Variants in TRIP11 observed in about 807,000 individuals in gnomAD.
TRIP11 encodes the protein thyroid receptor-interacting protein 11.
TRIP11 carries 148 observed loss-of-function variants against 223.1 expected under a neutral mutation model. The observed-to-expected ratio is 0.66, with a 90% CI of 0.58 to 0.76. The LOEUF (loss-of-function observed/expected upper bound fraction) is 0.76, where lower values mean the gene tolerates loss of function less well. Ranked by LOEUF, TRIP11 falls within the 30% of genes least tolerant of loss-of-function variation. The pLI, the probability that TRIP11 is intolerant of heterozygous loss-of-function variation, is 0.00. For missense variants in TRIP11, 2,043 were observed against 2,222.0 expected (o/e 0.92, Z 1.62); for synonymous variants, 762 against 772.6 (o/e 0.99, Z 0.23).
rs191481844 is a variant in TRIP11 at position 91,986,712 on chromosome 14, T to C, written c.5260+1572A>G. On this transcript the variant is annotated intron_variant, in intron 16 of 20. Transcript: ENST00000267622. Reference sequence around the variant, plus strand: ...CACTGCTGTTTCACCTCCATTAGTCTAGCCCAACCCGAAGATTATCAATTC... The same window carrying C: ...CACTGCTGTTTCACCTCCATTAGTCCAGCCCAACCCGAAGATTATCAATTC... 9.8e-5 allele frequency among the ~76,000 whole-genome samples: 15 copies of C among 152,356 alleles called. 1 individual carries two copies. The East Asian group carries it at 2.7e-3, about 27-fold the overall frequency.
chr14:92,013,276 A>G (rs976066953), intron 7 of TRIP11, among the ~76,000 whole-genome samples: 15 of 152,192 alleles, frequency 9.9e-5, no homozygotes, highest in Admixed American at 2.0e-4. Flanking sequence ...CAAAAAAACA[A>G]ACAAAAAAAA....
At position 91,995,539 on chromosome 14, in the gene TRIP11, C is replaced by A. The variant is rs779145474; in HGVS notation, c.4893-24G>T. The stretch of plus-strand genomic sequence containing the variant: ...GGCTTCAAACAAAAAGAATAAAAGT[C>A]AAACTGCTTCATCTATTTAGATACT... On this transcript the variant is annotated intron_variant, in intron 13 of 20. Transcript: ENST00000267622. The A allele has an allele frequency of 5.0e-6, 8 of 1,612,718 alleles. No homozygotes were observed. In the East Asian group the frequency reaches 1.1e-4, roughly 23 times the overall value.
chr14:91,987,995 A>G (rs921389988), intron 16 of TRIP11, among the ~76,000 whole-genome samples: 4 of 152,224 alleles, frequency 2.6e-5, no homozygotes, highest in African/African-American at 4.8e-5. Context: ...TATCCATAAA[A>G]AGTCAAATCA....
chr14:92,027,811 C>G (rs1381689037), intron 2 of TRIP11, among the ~76,000 whole-genome samples: 1 of 152,198 alleles, frequency 6.6e-6, no homozygotes, highest in African/African-American at 2.4e-5. Flanking sequence ...CTAGGAACTT[C>G]TGATGTCAAC....
At chr14:92,018,361 G>A (rs1232822259) in intron 4 of TRIP11, among the ~76,000 whole-genome samples, 2 of 151,922 alleles carry the variant, frequency 1.3e-5, no homozygotes, top group Non-Finnish European at 2.9e-5. Flanking sequence ...AAAGTGCTGG[G>A]ATTAGACATG....
intron 5 of TRIP11, among the ~76,000 whole-genome samples, chr14:92,016,442 G>A (rs2057036162): frequency 6.6e-6 from 1 of 152,144 alleles, no homozygotes; most frequent in Admixed American, 6.5e-5. Context: ...CCGCCACCCA[G>A]ATTCCTAACA....
In TRIP11 at chr14:92,005,136, T is replaced by C; in HGVS notation, c.2840A>G (p.His947Arg). ...KKEMDEFRYQHEQMNATHTQL... is the reference protein window; with the variant it reads ...KKEMDEFRYQREQMNATHTQL... ...GGTGTGTGTGGCGTTCATTTGCTCA[T>C]GCTGGTATCTAAACTCATCCATTTC... The change falls in exon 11 of 21, where the codon CAT becomes CGT. Residue 947 changes from histidine (H) to arginine (R), a missense_variant. By Grantham distance (29) the His-to-Arg change is conservative (BLOSUM62 0). Coordinates refer to ENST00000267622, the MANE Select transcript of TRIP11 (RefSeq NM_004239.4). The C allele has an allele frequency of 1.2e-6, 2 of 1,613,654 alleles. No homozygotes were observed. Among genetic ancestry groups the C allele is most frequent in the East Asian group, 2.2e-5 (1 of 44,880 alleles).
rs2056965184 is a variant in TRIP11, at chr14:92,011,008, T to A, written c.1292A>T (p.Lys431Met). The A allele has an allele frequency of 6.2e-7, 1 of 1,613,910 alleles. No individual in the cohort carries two copies. The highest frequency in any genetic ancestry group is 8.5e-7 in the Non-Finnish European group (1 of 1,179,982). ...CACCTTTTCTTGACTCAGTAATGAC[T>A]TCTCTTTTTCTAAAACTTCGATACG... ...KMRIEVLEKEKSLLSQEKEEL... is the reference protein window; with the variant it reads ...KMRIEVLEKEMSLLSQEKEEL... The change falls in exon 9 of 21, where the codon AAG becomes ATG. Residue 431 changes from lysine (K) to methionine (M), a missense_variant. Lys to Met is a moderately conservative substitution (Grantham distance 95, BLOSUM62 -1). Transcript: ENST00000267622.
intron 11 of TRIP11, among the ~76,000 whole-genome samples, chr14:92,000,673 C>T (rs2056812817): frequency 6.6e-6 from 1 of 152,114 alleles, no homozygotes; most frequent in Admixed American, 6.5e-5. Context: ...GTATTCAGAA[C>T]CCCCAAATCA....
At chr14:91,981,412 CAG>C (rs2056543144) in intron 16 of TRIP11, among the ~76,000 whole-genome samples, 1 of 152,012 alleles carries the variant, frequency 6.6e-6, no homozygotes, top group Non-Finnish European at 1.5e-5. Context: ...TTTTTTTAGA[CAG>C]AGTCTCGCTC....
intron 7 of TRIP11, among the ~76,000 whole-genome samples, chr14:92,013,500 T>G (rs1351976382): frequency 2.0e-5 from 3 of 152,202 alleles, no homozygotes; most frequent in Non-Finnish European, 4.4e-5. Context: ...CCTTAACCAC[T>G]ACGCTATTCT....
chr14:92,026,608 A>G (rs1342053991), intron 2 of TRIP11: 2 of 1,240,458 alleles, frequency 1.6e-6, no homozygotes, highest in Middle Eastern at 5.3e-4. Flanking sequence ...AATCACCACC[A>G]AGGACTTAAA....
At chr14:91,997,634 G>A (rs2056767712) in intron 13 of TRIP11, among the ~76,000 whole-genome samples, 1 of 151,922 alleles carries the variant, frequency 6.6e-6, no homozygotes, top group Non-Finnish European at 1.5e-5. Context: ...CCTTCAGGCA[G>A]AAGAAGGCAT....
At chr14:92,039,485 G>A (rs1173516733) in intron 1 of TRIP11, 62 bp downstream of exon 1, 5 of 1,584,478 alleles carry the variant, frequency 3.2e-6, no homozygotes, top group East Asian at 2.2e-5. Context: ...ATGGAAGTAG[G>A]GACCAAACGG....
In TRIP11 at chr14:92,026,216, A is replaced by G. The variant is rs145184063; in HGVS notation, c.202-796T>C. On this transcript the variant is annotated intron_variant, in intron 2 of 20. Transcript: ENST00000267622. ...CCTGAAGGACCTCGGAAAAAATCCA[A>G]TTTGAAAACCACTACTAGAACTGTT... 2.6e-3 allele frequency among the ~76,000 whole-genome samples: 389 copies of G among 152,288 alleles called. 4 individuals are homozygous for G. The highest frequency in any genetic ancestry group is 0.013 in the East Asian group (65 of 5,176).
intron 5 of TRIP11, 148 bp downstream of exon 5, chr14:92,017,534 A>AGATCCTATCTCTAAAAGATAG: frequency 1.5e-6 from 1 of 651,920 alleles, no homozygotes; most frequent in Non-Finnish European, 2.6e-6. Context: ...CAACACAGTG[A>AGATCCTATCTCTAAAAGATAG]GATCCTATCT....
At chr14:92,017,647 T>C in intron 5 of TRIP11, 35 bp downstream of exon 5, 1 of 1,522,138 alleles carries the variant, frequency 6.6e-7, no homozygotes, top group Admixed American at 1.7e-5. Context: ...GATTTAGATG[T>C]ATAACTCCCA....
chr14:91,999,996 T>C lies in TRIP11; in HGVS notation c.4670A>G (p.Gln1557Arg). 6.2e-7 allele frequency: 1 copy of C among 1,614,022 alleles called. No homozygotes were observed. The highest frequency in any genetic ancestry group is 8.5e-7 in the Non-Finnish European group (1 of 1,179,946). ...DQVMLALKQKQMENTALQNEV... is the reference protein window; with the variant it reads ...DQVMLALKQKRMENTALQNEV... ...ATTCTGTAGGGCAGTATTTTCCATT[T>C]GTTTTTGTTTCAGGGCCAACATGAC... Residue 1557 changes from glutamine (Q) to arginine (R), a missense_variant, in exon 12 of 21, where the codon CAA becomes CGA. Coordinates refer to ENST00000267622, the MANE Select transcript of TRIP11 (RefSeq NM_004239.4).
rs1288052038 is a variant in TRIP11 at position 91,978,914 on chromosome 14, G to A, written c.5261-2725C>T. Among the ~76,000 whole-genome samples, 1 of 152,096 alleles carries A rather than the reference G, an allele frequency of 6.6e-6. No homozygotes were observed. Among genetic ancestry groups the A allele is most frequent in the Non-Finnish European group, 1.5e-5 (1 of 68,020 alleles). Reference sequence around the variant, plus strand: ...CAGTATATTCCTACTGGACAGTACTGCTTTTAGAACATAACCAGGATATAA... The same window carrying A: ...CAGTATATTCCTACTGGACAGTACTACTTTTAGAACATAACCAGGATATAA... On this transcript the variant is annotated intron_variant, in intron 16 of 20. Transcript: ENST00000267622. The surrounding 1 kb of genome is among the most constrained non-coding windows in gnomAD (Gnocchi z 4.4).
Sources: gnomAD v4.1 joint callset for allele counts (sites outside exome capture counted in the v4.1 genomes callset) on GRCh38, gnomAD v4.1.1 for gene constraint, Gnocchi (gnomAD v3.1) non-coding constraint, MANE v1.5 for transcripts, NCBI Gene and HGNC (gene_info 2026-07-23, HGNC 2026-07-21) for gene names.